Variants in SEPTIN7 observed in about 807,000 individuals in gnomAD.
The protein encoded by SEPTIN7 is septin-7.
In SEPTIN7, 10 loss-of-function variants were observed where a neutral mutation model predicts 63.3. That is an observed-to-expected ratio of 0.16 (90% CI 0.10 to 0.27). The LOEUF (loss-of-function observed/expected upper bound fraction) is 0.27. Among genes scored for constraint, SEPTIN7 ranks in the 10% least tolerant of loss-of-function variants. The pLI, the probability that SEPTIN7 is intolerant of heterozygous loss-of-function variation, is 1.00. For synonymous variants in SEPTIN7, 131 were observed against 165.3 expected (o/e 0.79, Z 1.59); for missense variants, 310 against 521.0 (o/e 0.59, Z 3.94).
intron 12 of SEPTIN7, chr7:35,898,931 A>G (rs766214691): frequency 6.6e-6 from 1 of 152,286 alleles, no homozygotes; most frequent in Non-Finnish European, 1.5e-5. Context: ...GTGTCAAGGT[A>G]GTTCCTGGTG....
At chr7:35,896,952 A>G (rs1298312152) in intron 11 of SEPTIN7, among the ~76,000 whole-genome samples, 4 of 152,164 alleles carry the variant, frequency 2.6e-5, no homozygotes, top group Non-Finnish European at 4.4e-5. Flanking sequence ...TTTTGTTTCT[A>G]ACATTTTCTA....
chr7:35,909,308 T>C (rs1788695695), downstream of SEPTIN7, among the ~76,000 whole-genome samples: 2 of 152,200 alleles, frequency 1.3e-5, no homozygotes, highest in Non-Finnish European at 2.9e-5. Context: ...GGAACTCAAA[T>C]TGGCATTTTC....
downstream of SEPTIN7, among the ~76,000 whole-genome samples, chr7:35,908,057 GTCTTT>G (rs1235958251): frequency 6.6e-6 from 1 of 152,176 alleles, no homozygotes; most frequent in African/African-American, 2.4e-5. Context: ...CACAGAGATA[GTCTTT>G]TGGAGTTACT....
chr7:35,866,165 T>G (rs1462319048), intron 4 of SEPTIN7, among the ~76,000 whole-genome samples: 1 of 152,218 alleles, frequency 6.6e-6, no homozygotes, highest in Non-Finnish European at 1.5e-5. Flanking sequence ...CATGGAGGTG[T>G]ATTCTTTTAT....
chr7:35,816,270 T>A (rs1789056619), intron 1 of SEPTIN7, among the ~76,000 whole-genome samples: 1 of 152,148 alleles, frequency 6.6e-6, no homozygotes, highest in South Asian at 2.1e-4. Flanking sequence ...AACCACTAAT[T>A]TACTTTCCGT....
intron 3 of SEPTIN7, among the ~76,000 whole-genome samples, chr7:35,853,600 T>G (rs1201709193): frequency 6.6e-6 from 1 of 152,250 alleles, no homozygotes; most frequent in East Asian, 1.9e-4. Context: ...TTCAGAGGTT[T>G]CATTTACTTA....
At chr7:35,862,832 T>G (rs1471470178) in intron 3 of SEPTIN7, among the ~76,000 whole-genome samples, 1 of 152,178 alleles carries the variant, frequency 6.6e-6, no homozygotes, top group African/African-American at 2.4e-5. Flanking sequence ...TGAAGCCATT[T>G]ATATTTTCAT....
chr7:35,901,010 T>C (rs554542328), intron 12 of SEPTIN7: 1 of 152,334 alleles, frequency 6.6e-6, no homozygotes, highest in Admixed American at 6.5e-5. Context: ...ACATGATATA[T>C]ATTGTGTAAA....
chr7:35,868,601 A>G (rs1168872884), intron 4 of SEPTIN7, among the ~76,000 whole-genome samples: 1 of 152,112 alleles, frequency 6.6e-6, no homozygotes, highest in Non-Finnish European at 1.5e-5. Flanking sequence ...AAGATGGGTG[A>G]TGGCTATTAA....
chr7:35,884,045 G>C, intron 9 of SEPTIN7, 58 bp downstream of exon 9: 2 of 1,067,404 alleles, frequency 1.9e-6, no homozygotes, highest in Non-Finnish European at 2.9e-6. Flanking sequence ...TTAAAAATTT[G>C]TATTTATAGT....
At chr7:35,818,304 TATTC>T (rs1414700532) in intron 1 of SEPTIN7, among the ~76,000 whole-genome samples, 1 of 152,118 alleles carries the variant, frequency 6.6e-6, no homozygotes, top group Admixed American at 6.5e-5. Flanking sequence ...AAAACCAACA[TATTC>T]ATTCTGGGAT....
At chr7:35,829,098 T>G (rs1364105180) in intron 1 of SEPTIN7, among the ~76,000 whole-genome samples, 1 of 149,284 alleles carries the variant, frequency 6.7e-6, no homozygotes, top group East Asian at 2.0e-4. Flanking sequence ...CCTTGTCCAC[T>G]ACTTCACTTC....
chr7:35,867,477 G>C (rs1785877722), intron 4 of SEPTIN7, among the ~76,000 whole-genome samples: 1 of 152,178 alleles, frequency 6.6e-6, no homozygotes, highest in African/African-American at 2.4e-5. Flanking sequence ...AGCCTCCTGA[G>C]TACCTGGGAT....
At chr7:35,890,619 T>C in intron 10 of SEPTIN7, 49 bp from the exon 11 acceptor site, 3 of 1,360,004 alleles carry the variant, frequency 2.2e-6, no homozygotes, top group South Asian at 2.1e-5. Context: ...TAAGCTTTTT[T>C]CCCCCTAGCT....
chr7:35,882,155 G>T (rs1786917678), intron 7 of SEPTIN7, among the ~76,000 whole-genome samples: 2 of 151,880 alleles, frequency 1.3e-5, no homozygotes. Context: ...GTAAATAAAT[G>T]ACCTAAAGTC....
Position 35,873,787 on chromosome 7 carries a change from G to C in SEPTIN7, c.512+12G>C. 1 of 1,605,912 alleles carries C rather than the reference G, an allele frequency of 6.2e-7. No individual in the cohort carries two copies. The highest frequency in any genetic ancestry group is 8.5e-7 in the Non-Finnish European group (1 of 1,176,822). On this transcript the variant is annotated intron_variant, in intron 6 of 13. Transcript: ENST00000350320. ...CCTTCAGGACATGGGTCAGTACCTT[G>C]ATACTTCTGATTCCTTTTTTGTTGT...
chr7:35,872,566 C>A, intron 4 of SEPTIN7, 100 bp from the exon 5 acceptor site: 1 of 786,486 alleles, frequency 1.3e-6, no homozygotes, highest in Non-Finnish European at 2.2e-6. Flanking sequence ...AACAGTTTCC[C>A]AGTTGGTTTT....
chr7:35,890,282 A>C (rs1389899431), intron 10 of SEPTIN7, among the ~76,000 whole-genome samples: 2 of 152,168 alleles, frequency 1.3e-5, no homozygotes, highest in Non-Finnish European at 2.9e-5. Flanking sequence ...TTACCTTAGT[A>C]ATATTGCTAA....
At chr7:35,909,908 C>A (rs1280993661), downstream of SEPTIN7, among the ~76,000 whole-genome samples, 1 of 152,218 alleles carries the variant, frequency 6.6e-6, no homozygotes, top group Non-Finnish European at 1.5e-5. Context: ...AGCGGTTTAG[C>A]TGGGTGGTCT....
Sources: gnomAD v4.1 joint callset for allele counts (sites outside exome capture counted in the v4.1 genomes callset) on GRCh38, gnomAD v4.1.1 for gene constraint, MANE v1.5 for transcripts, NCBI Gene and HGNC (gene_info 2026-07-23, HGNC 2026-07-21) for gene names.